The following MAML3 variants were observed in gnomAD, a reference collection of about 807,000 sequenced individuals.
MAML3 encodes mastermind like transcriptional coactivator 3, also known as mastermind-like protein 3.
In MAML3, 27 loss-of-function variants were observed where a neutral mutation model predicts 101.9. The observed-to-expected ratio is 0.27, with a 90% CI of 0.20 to 0.37. The LOEUF is 0.37. MAML3 is among the 10% of genes least tolerant of loss of function. The pLI, the probability that MAML3 is intolerant of heterozygous loss-of-function variation, is 1.00. For missense variants in MAML3, 1,316 were observed against 1,444.9 expected (o/e 0.91, Z 1.45); for synonymous variants, 501 against 555.9 (o/e 0.90, Z 1.39).
chr4:139,813,544 TC>T (rs1206037449), intron 2 of MAML3, among the ~76,000 whole-genome samples: 1 of 152,190 alleles, frequency 6.6e-6, no homozygotes, highest in Non-Finnish European at 1.5e-5. Flanking sequence ...CAGCCTAGAA[TC>T]CTCTATTTGG....
intron 1 of MAML3, among the ~76,000 whole-genome samples, chr4:140,039,449 T>A (rs1190357734): frequency 1.3e-5 from 2 of 152,104 alleles, no homozygotes; most frequent in Non-Finnish European, 2.9e-5. Flanking sequence ...CCATGAGTGG[T>A]CTGAGGACTA....
chr4:139,857,587 G>T (rs1731685186), intron 2 of MAML3, among the ~76,000 whole-genome samples: 1 of 152,084 alleles, frequency 6.6e-6, no homozygotes, highest in Non-Finnish European at 1.5e-5. Flanking sequence ...TAGCTATTTG[G>T]CCTATGACCA....
At chr4:139,996,925 T>C (rs1734828339) in intron 1 of MAML3, among the ~76,000 whole-genome samples, 1 of 151,832 alleles carries the variant, frequency 6.6e-6, no homozygotes, top group Non-Finnish European at 1.5e-5. Context: ...AGTGTGGTGG[T>C]ACGTGCCTGT....
At chr4:139,849,991 T>A (rs1398761666) in intron 2 of MAML3, among the ~76,000 whole-genome samples, 1 of 152,218 alleles carries the variant, frequency 6.6e-6, no homozygotes, top group East Asian at 1.9e-4. Context: ...ATGTGTTTCA[T>A]GTCTTACATG....
At chr4:139,747,644 A>C (rs1174934795) in intron 2 of MAML3, among the ~76,000 whole-genome samples, 1 of 151,760 alleles carries the variant, frequency 6.6e-6, no homozygotes, top group East Asian at 1.9e-4. Context: ...CAGTGAGCCG[A>C]GATAGTGCCA....
intron 1 of MAML3, among the ~76,000 whole-genome samples, chr4:139,896,273 C>G (rs1732606100): frequency 6.6e-6 from 1 of 152,172 alleles, no homozygotes; most frequent in African/African-American, 2.4e-5. Context: ...AGAGTCTCAT[C>G]CCAAATAGCC....
chr4:139,910,415 T>C (rs963091100), intron 1 of MAML3, among the ~76,000 whole-genome samples: 6 of 152,246 alleles, frequency 3.9e-5, no homozygotes, highest in Admixed American at 3.9e-4. Context: ...ATGTGGCTAC[T>C]GAATACTTGA....
At chr4:139,991,695 C>T (rs1220517955) in intron 1 of MAML3, among the ~76,000 whole-genome samples, 1 of 151,676 alleles carries the variant, frequency 6.6e-6, no homozygotes, top group Non-Finnish European at 1.5e-5. Context: ...ATATAAAGTC[C>T]ACCAGGTCAG....
At position 139,725,745 on chromosome 4, in the gene MAML3, C is replaced by T. The variant is rs967966820; in HGVS notation, c.2416+6G>A. 1.9e-6 allele frequency: 3 copies of T among 1,613,756 alleles called. No homozygotes were observed. The highest frequency in any genetic ancestry group is 1.7e-6 in the Non-Finnish European group (2 of 1,179,724). ...TATAAAATGAGAGAGGTTGCACTGG[C>T]CTCACCTTGAAACTGATTGACCTGC... On this transcript the variant is annotated splice_donor_region_variant and intron_variant, in intron 4 of 4. Coordinates refer to ENST00000509479, the MANE Select transcript of MAML3 (RefSeq NM_018717.5).
chr4:140,152,797 C>T, intron 1 of MAML3, 63 bp downstream of exon 1: 2 of 1,561,554 alleles, frequency 1.3e-6, no homozygotes, highest in Non-Finnish European at 1.7e-6. Flanking sequence ...AAGCTCCACG[C>T]GCCCCCCACC....
chr4:139,719,168 G>T lies in MAML3; in HGVS notation c.*155C>A. 1.3e-6 allele frequency: 1 copy of T among 798,264 alleles called. No homozygotes were observed. Among genetic ancestry groups the T allele is most frequent in the Non-Finnish European group, 1.9e-6 (1 of 524,154 alleles). The allele number at this position is 798,264 out of a possible 1,614,324, so 49.4% of individuals were successfully genotyped here. The stretch of plus-strand genomic sequence containing the variant: ...TGAAATGAGGCCTGGTGGGGCTGTG[G>T]ATTGGCACCTGGATCTTCCATTGTC... On this transcript the variant is annotated 3_prime_UTR_variant, in exon 5 of 5. Coordinates refer to ENST00000509479, the MANE Select transcript of MAML3 (RefSeq NM_018717.5).
chr4:139,873,792 A>G (rs1033710684), intron 2 of MAML3, among the ~76,000 whole-genome samples: 20 of 152,224 alleles, frequency 1.3e-4, no homozygotes, highest in Non-Finnish European at 2.8e-4. Context: ...CCCACTTGAC[A>G]GCTTCACGGT....
At chr4:139,754,961 C>T (rs558080148) in intron 2 of MAML3, among the ~76,000 whole-genome samples, 17 of 152,358 alleles carry the variant, frequency 1.1e-4, no homozygotes, top group South Asian at 2.1e-4. Context: ...TTAATCAGCA[C>T]GCTGACATCC....
chr4:140,151,025 G>A (rs1173878146), intron 1 of MAML3, among the ~76,000 whole-genome samples: 19 of 152,042 alleles, frequency 1.2e-4, no homozygotes, highest in Admixed American at 1.2e-3. Flanking sequence ...GGCGCGGCGG[G>A]GCGGGGACAG....
intron 2 of MAML3, among the ~76,000 whole-genome samples, chr4:139,772,097 G>A (rs1203320129): frequency 1.3e-5 from 2 of 151,244 alleles, no homozygotes; most frequent in Admixed American, 6.6e-5. Flanking sequence ...AAAATTAGCT[G>A]GGCGCGGTGG....
intron 1 of MAML3, among the ~76,000 whole-genome samples, chr4:139,981,838 T>C (rs1399452828): frequency 6.6e-6 from 1 of 152,178 alleles, no homozygotes; most frequent in Admixed American, 6.5e-5. Flanking sequence ...ACCCGTGTTA[T>C]AGATTTTCAG....
intron 2 of MAML3, among the ~76,000 whole-genome samples, chr4:139,757,558 G>C (rs536966919): frequency 6.7e-6 from 1 of 149,560 alleles, no homozygotes; most frequent in African/African-American, 2.5e-5. Context: ...GCTGAGACAG[G>C]AGAACTGCTT....
At chr4:140,024,506 G>A (rs1726788362) in intron 1 of MAML3, among the ~76,000 whole-genome samples, 1 of 152,104 alleles carries the variant, frequency 6.6e-6, no homozygotes, top group Non-Finnish European at 1.5e-5. Flanking sequence ...TGGATTACAA[G>A]CGTGTGCTGG....
intron 1 of MAML3, among the ~76,000 whole-genome samples, chr4:140,030,251 A>T (rs1028817343): frequency 6.6e-6 from 1 of 152,142 alleles, no homozygotes; most frequent in African/African-American, 2.4e-5. Context: ...CAGTGACTTC[A>T]TGGCAGCTTC....
Sources: gnomAD v4.1 joint callset for allele counts (sites outside exome capture counted in the v4.1 genomes callset) on GRCh38, gnomAD v4.1.1 for gene constraint, MANE v1.5 for transcripts, NCBI Gene and HGNC (gene_info 2026-07-23, HGNC 2026-07-21) for gene names.